DPP10: variants seen among roughly 807,000 people sequenced by gnomAD.
DPP10 encodes the protein inactive dipeptidyl peptidase 10.
Under a neutral mutation model 120.9 loss-of-function variants are expected in DPP10, and 33 were observed. The observed-to-expected ratio is 0.27, with a 90% confidence interval of 0.21 to 0.37. The LOEUF is 0.37. DPP10 is among the 10% of genes least tolerant of loss of function. The pLI, the probability that DPP10 is intolerant of heterozygous loss-of-function variation, is 1.00. For missense variants in DPP10, 816 were observed against 942.8 expected, an observed-to-expected ratio of 0.87 and a Z score of 1.76; for synonymous variants, 337 against 326.1, an observed-to-expected ratio of 1.03 and a Z score of -0.36.
In DPP10 at chr2:114,517,532, A is replaced by C. The variant is rs1229098260; in HGVS notation, c.60+74694A>C. Among the ~76,000 whole-genome samples, 3 of 152,238 alleles carry C rather than the reference A, an allele frequency of 2.0e-5. No individual in the cohort carries two copies. The East Asian group carries it at 5.8e-4, about 29-fold the overall frequency. ...GTGAGACTCCGTCTCAAAAAAAAAA[A>C]AAAAAATTGTCTGTCTTCATGGTAA... is the stretch of plus-strand genomic sequence containing the variant. On this transcript the variant is annotated intron_variant, in intron 1 of 25. Transcript: ENST00000410059.
At chr2:114,811,597 AC>A (rs1685176743) in intron 1 of DPP10, among the ~76,000 whole-genome samples, 1 of 150,972 alleles carries the variant, frequency 6.6e-6, no homozygotes, top group Non-Finnish European at 1.5e-5. Context: ...CATCACCATC[AC>A]CTCACCATTA....
intron 1 of DPP10, among the ~76,000 whole-genome samples, chr2:114,591,572 T>TTTTTTTTTTTTA (rs1287684682): frequency 6.8e-6 from 1 of 146,258 alleles, no homozygotes. Flanking sequence ...TTTTTTTTTT[T>TTTTTTTTTTTTA]GAGATGGAGT....
intron 1 of DPP10, among the ~76,000 whole-genome samples, chr2:114,468,699 T>A (rs1334796196): frequency 6.6e-6 from 1 of 152,120 alleles, no homozygotes; most frequent in East Asian, 1.9e-4. Context: ...GAATGAGAAC[T>A]TTAAACTGCA....
chr2:114,618,575 CT>C (rs1439928305), intron 1 of DPP10, among the ~76,000 whole-genome samples: 1 of 151,856 alleles, frequency 6.6e-6, no homozygotes, highest in Non-Finnish European at 1.5e-5. Context: ...GGAGGCGGTG[CT>C]TTTGACTAAA....
intron 3 of DPP10, among the ~76,000 whole-genome samples, chr2:115,481,307 C>T (rs1351777277): frequency 6.6e-6 from 1 of 152,046 alleles, no homozygotes; most frequent in Non-Finnish European, 1.5e-5. Flanking sequence ...TCAACTGTGG[C>T]TTAATTATCA....
At chr2:114,650,648 T>C (rs1696515864) in intron 1 of DPP10, among the ~76,000 whole-genome samples, 1 of 151,804 alleles carries the variant, frequency 6.6e-6, no homozygotes. Flanking sequence ...TAAGAAACCT[T>C]AATAGATGGG....
intron 19 of DPP10, among the ~76,000 whole-genome samples, chr2:115,795,097 C>T (rs927363576): frequency 6.6e-6 from 1 of 152,154 alleles, no homozygotes; most frequent in African/African-American, 2.4e-5. Flanking sequence ...CCTGCACTTG[C>T]AGACGTTCAT....
chr2:115,031,169 A>G (rs111892838), intron 1 of DPP10, among the ~76,000 whole-genome samples: 2 of 152,092 alleles, frequency 1.3e-5, no homozygotes, highest in African/African-American at 4.8e-5. Context: ...TTTCCTCAGG[A>G]AAAATATTTT....
At chr2:114,930,956 G>C (rs151305468) in intron 1 of DPP10, among the ~76,000 whole-genome samples, 267 of 152,296 alleles carry the variant, frequency 1.8e-3, no homozygotes, top group Non-Finnish European at 3.1e-3. Flanking sequence ...TCAAACACTT[G>C]CCAAAATGCT....
At chr2:115,512,486 C>A (rs1313474130) in intron 4 of DPP10, among the ~76,000 whole-genome samples, 1 of 151,724 alleles carries the variant, frequency 6.6e-6, no homozygotes, top group Non-Finnish European at 1.5e-5. Flanking sequence ...TTTTTTTCCT[C>A]TTTACTTTCT....
chr2:114,853,127 T>C (rs929506299), intron 1 of DPP10, among the ~76,000 whole-genome samples: 1 of 152,138 alleles, frequency 6.6e-6, no homozygotes, highest in African/African-American at 2.4e-5. Flanking sequence ...AAAACTAATC[T>C]ATGGTGATAG....
At chr2:115,336,165 A>T (rs2063117223) in intron 2 of DPP10, among the ~76,000 whole-genome samples, 2 of 151,848 alleles carry the variant, frequency 1.3e-5, no homozygotes, top group South Asian at 4.1e-4. Context: ...TTCATCTAAG[A>T]TTATGCAGCC....
intron 1 of DPP10, among the ~76,000 whole-genome samples, chr2:114,950,797 A>T (rs2073421264): frequency 6.6e-6 from 1 of 152,196 alleles, no homozygotes; most frequent in Non-Finnish European, 1.5e-5. Flanking sequence ...ATTATTTTCA[A>T]ACACTAGAAA....
In DPP10 at chr2:114,491,350, G is replaced by T. The variant is rs1467661229; in HGVS notation, c.60+48512G>T. ...TGGATTTATATTATTCCAAAGTGTG[G>T]GTATCTTGTAATTTATGAATATCTC... On this transcript the variant is annotated intron_variant, in intron 1 of 25. Transcript: ENST00000410059. 3.9e-5 allele frequency among the ~76,000 whole-genome samples: 6 copies of T among 152,122 alleles called. 1 individual carries two copies. The South Asian group carries it at 1.2e-3, about 32-fold the overall frequency.
chr2:114,603,814 C>T (rs1178372361), intron 1 of DPP10, among the ~76,000 whole-genome samples: 1 of 151,972 alleles, frequency 6.6e-6, no homozygotes, highest in East Asian at 1.9e-4. Context: ...CAAATGCCCT[C>T]TAAGTGTAAA....
At chr2:115,106,251 T>A (rs986422580) in intron 1 of DPP10, among the ~76,000 whole-genome samples, 2 of 152,228 alleles carry the variant, frequency 1.3e-5, no homozygotes, top group African/African-American at 4.8e-5. Flanking sequence ...AGACAGTATC[T>A]TGTAGTGAGG....
intron 1 of DPP10, among the ~76,000 whole-genome samples, chr2:114,914,341 A>G (rs1340227802): frequency 6.6e-6 from 1 of 152,236 alleles, no homozygotes; most frequent in African/African-American, 2.4e-5. Flanking sequence ...AGGGAACCCT[A>G]TCAAGCTAAC....
In DPP10 at chr2:114,748,405, A is replaced by T. The variant is rs1275539718; in HGVS notation, c.60+305567A>T. ...TTATTTATTTATTTATTTATTTTAA[A>T]TTTTTTTTTTATTATACTTTAAGTT... is the stretch of plus-strand genomic sequence containing the variant. On this transcript the variant is annotated intron_variant, in intron 1 of 25. Coordinates refer to ENST00000410059, the MANE Select transcript of DPP10 (RefSeq NM_020868.6). 4.7e-3 allele frequency among the ~76,000 whole-genome samples: 518 copies of T among 110,628 alleles called. 6 individuals carry two copies. The highest frequency in any genetic ancestry group is 0.016 in the African/African-American group (464 of 29,224). The allele number at this position is 110,628 out of a possible 152,430, so 72.6% of individuals were successfully genotyped here. A position where few individuals can be genotyped will look rare whatever the true frequency, so the allele number is the denominator to read the frequency against.
chr2:115,037,580 A>T (rs1191475698), intron 1 of DPP10, among the ~76,000 whole-genome samples: 1 of 152,210 alleles, frequency 6.6e-6, no homozygotes, highest in African/African-American at 2.4e-5. Context: ...GAGCAACTAC[A>T]TGAGACGTAC....
Sources: allele counts gnomAD v4.1 joint callset (sites outside exome capture counted in the v4.1 genomes callset), GRCh38; gene constraint gnomAD v4.1.1; transcripts MANE v1.5; gene names NCBI Gene and HGNC (gene_info 2026-07-23, HGNC 2026-07-21).